CFAP61: variants seen among roughly 807,000 people sequenced by gnomAD.
CFAP61 encodes cilia- and flagella-associated protein 61.
A neutral mutation model predicts 135.6 loss-of-function variants in CFAP61; 107 were observed. The observed-to-expected ratio is 0.79, with a 90% confidence interval of 0.67 to 0.93. The LOEUF (loss-of-function observed/expected upper bound fraction) is 0.93. CFAP61 is among the 40% of genes least tolerant of loss of function. The probability of loss-of-function intolerance (pLI) is 0.00; values close to 1 mark genes in which losing one functional copy is unlikely to be tolerated. For missense variants in CFAP61, 1,507 were observed against 1,556.2 expected (o/e 0.97, Z 0.53); for synonymous variants, 575 against 578.5 (o/e 0.99, Z 0.09).
chr20:20,090,688 C>CAAAA (rs138798717), intron 6 of CFAP61, among the ~76,000 whole-genome samples, 156 bp from the exon 7 acceptor site: 6 of 102,952 alleles, frequency 5.8e-5, no homozygotes, highest in Non-Finnish European at 9.5e-5. Flanking sequence ...GACTCCCTCT[C>CAAAA]AAAAAAAAAA....
chr20:20,280,522 A>G (rs2054125965), intron 22 of CFAP61, among the ~76,000 whole-genome samples: 1 of 152,188 alleles, frequency 6.6e-6, no homozygotes, highest in Non-Finnish European at 1.5e-5. Flanking sequence ...CCAGAATCAT[A>G]CATTATATAC....
chr20:20,157,003 A>G (rs559301204), intron 9 of CFAP61, among the ~76,000 whole-genome samples: 4 of 152,230 alleles, frequency 2.6e-5, no homozygotes, highest in African/African-American at 9.6e-5. Flanking sequence ...GAAAATGGAG[A>G]TAACCTAAAA....
At chr20:20,163,455 A>T (rs1036948752) in intron 10 of CFAP61, among the ~76,000 whole-genome samples, 2 of 152,174 alleles carry the variant, frequency 1.3e-5, no homozygotes, top group African/African-American at 4.8e-5. Flanking sequence ...TTGCTTCTGG[A>T]GTTATTATAA....
chr20:20,218,855 G>A (rs895784138), intron 17 of CFAP61, among the ~76,000 whole-genome samples: 1 of 152,170 alleles, frequency 6.6e-6, no homozygotes, highest in Non-Finnish European at 1.5e-5. Context: ...TACTGAATAG[G>A]TTATCTCAAT....
chr20:20,355,197 G>C (rs2059042564), intron 26 of CFAP61, among the ~76,000 whole-genome samples: 1 of 143,122 alleles, frequency 7.0e-6, no homozygotes, highest in South Asian at 2.3e-4. Context: ...CTAAGGGGAG[G>C]TAGTCACACT....
intron 8 of CFAP61, among the ~76,000 whole-genome samples, chr20:20,112,658 G>A (rs1050150706): frequency 3.3e-5 from 5 of 152,118 alleles, no homozygotes; most frequent in African/African-American, 1.2e-4. Context: ...GTCAATGGAA[G>A]CCGTATTTTC....
intron 13 of CFAP61, chr20:20,172,322 CTTT>C (rs11475305): frequency 3.3e-5 from 21 of 642,064 alleles, no homozygotes; most frequent in African/African-American, 4.1e-5. Context: ...AATTAATAAA[CTTT>C]TTTTTTTTTG....
intron 21 of CFAP61, among the ~76,000 whole-genome samples, chr20:20,269,223 ATATATGTATATATATACACG>A (rs1028703636): frequency 7.0e-6 from 1 of 143,868 alleles, no homozygotes; most frequent in Admixed American, 7.0e-5. Context: ...ACATATATAC[ATATATGTATATATATACACG>A]TATATGTGCA....
chr20:20,059,267 G>A (rs1204427966), intron 2 of CFAP61, among the ~76,000 whole-genome samples: 1 of 120,922 alleles, frequency 8.3e-6, no homozygotes, highest in East Asian at 2.8e-4. Context: ...GGCGGAGGTT[G>A]CAATGAGCCA....
intron 25 of CFAP61, among the ~76,000 whole-genome samples, chr20:20,338,295 G>C (rs1015191064): frequency 6.6e-6 from 1 of 152,194 alleles, no homozygotes; most frequent in Non-Finnish European, 1.5e-5. Context: ...GAAACCCGCA[G>C]GCCTCCCTGG....
chr20:20,296,341 TTGCTTCCTTCCTTCTTTCCTTTCTTCA>T (rs1173713363), intron 24 of CFAP61, among the ~76,000 whole-genome samples: 84 of 69,498 alleles, frequency 1.2e-3, no homozygotes, highest in Admixed American at 4.5e-3. Flanking sequence ...CCTTCCTTCC[TTGCTTCCTTCCTTCTTTCCTTTCTTCA>T]TCCCTCCTTC....
rs759925880 is a variant in CFAP61, at chr20:20,290,379, A to G, written c.3204A>G (p.Ala1068=). The part of the protein sequence containing the change: ...AIPTPLEVQM[A]QPNYGLELVT... ...CAACTCCCTTGGAGGTACAAATGGC[A>G]CAGCCTAATTATGTAAGTATTATTT... Residue 1068 remains alanine (A), a synonymous_variant, in exon 24 of 27, where the codon GCA becomes GCG. Coordinates refer to ENST00000245957, the MANE Select transcript of CFAP61 (RefSeq NM_015585.4). 2 of 1,598,340 alleles carry G rather than the reference A, an allele frequency of 1.3e-6. No individual in the cohort carries two copies. Among genetic ancestry groups the G allele is most frequent in the Admixed American group, 3.3e-5 (2 of 59,998 alleles).
chr20:20,068,701 G>A (rs1421403412), intron 2 of CFAP61, among the ~76,000 whole-genome samples: 1 of 152,162 alleles, frequency 6.6e-6, no homozygotes, highest in Non-Finnish European at 1.5e-5. Context: ...CTTGCTACAT[G>A]CAGGAAAAAT....
chr20:20,179,263 G>A (rs6046703), intron 13 of CFAP61, among the ~76,000 whole-genome samples: 137,363 of 152,134 alleles, frequency 0.9, 62,838 homozygotes, highest in Middle Eastern at 0.99. Flanking sequence ...AATCAAGAGT[G>A]CAATCCCATT....
At chr20:20,079,542 T>C (rs1236894938) in intron 6 of CFAP61, among the ~76,000 whole-genome samples, 3 of 152,156 alleles carry the variant, frequency 2.0e-5, no homozygotes, top group Admixed American at 1.3e-4. Flanking sequence ...TGCTGAACAT[T>C]ATGCAAACAG....
At chr20:20,056,566 T>G in intron 1 of CFAP61, 52 bp from the exon 2 acceptor site, 1 of 1,221,644 alleles carries the variant, frequency 8.2e-7, no homozygotes, top group South Asian at 1.4e-5. Flanking sequence ...TGAATTAGTG[T>G]TCAGTTTTGT....
chr20:20,301,105 C>T (rs1339611318), intron 25 of CFAP61, among the ~76,000 whole-genome samples: 5 of 151,924 alleles, frequency 3.3e-5, no homozygotes, highest in Admixed American at 2.0e-4. Flanking sequence ...TGATAATGTC[C>T]GAGGCCTTCG....
chr20:20,065,760 C>T (rs1198752001), intron 2 of CFAP61, among the ~76,000 whole-genome samples: 2 of 152,012 alleles, frequency 1.3e-5, no homozygotes, highest in South Asian at 2.1e-4. Flanking sequence ...TGGGCATGGC[C>T]GATGAGTGGG....
intron 17 of CFAP61, among the ~76,000 whole-genome samples, chr20:20,215,717 T>A (rs2048001679): frequency 6.6e-6 from 1 of 152,216 alleles, no homozygotes; most frequent in African/African-American, 2.4e-5. Context: ...CATGATTTCT[T>A]TTTCAAGAAA....
Sources: gnomAD v4.1 joint callset for allele counts (sites outside exome capture counted in the v4.1 genomes callset) on GRCh38, gnomAD v4.1.1 for gene constraint, MANE v1.5 for transcripts, NCBI Gene and HGNC (gene_info 2026-07-23, HGNC 2026-07-21) for gene names.